Variants in STMP1 observed in about 807,000 individuals in gnomAD.
The protein encoded by STMP1 is short transmembrane mitochondrial protein 1.
STMP1 carries 7 observed loss-of-function variants against 7.0 expected under a neutral mutation model. The ratio of observed to expected loss-of-function variants is 1.01; its 90% CI spans 0.57 to 1.89. The LOEUF (loss-of-function observed/expected upper bound fraction) is 1.89, where lower values mean the gene tolerates loss of function less well. Among genes scored for constraint, STMP1 ranks in the 40% most tolerant of loss-of-function variants. The pLI, the probability that STMP1 is intolerant of heterozygous loss-of-function variation, is 0.00. For missense variants in STMP1, 45 were observed against 53.0 expected (o/e 0.85, Z 0.47); for synonymous variants, 19 against 18.4 (o/e 1.03, Z -0.08).
At chr7:135,666,291 T>C (rs999805948) in intron 1 of STMP1, among the ~76,000 whole-genome samples, 3 of 152,006 alleles carry the variant, frequency 2.0e-5, no homozygotes, top group African/African-American at 7.2e-5. Flanking sequence ...ACTTTGATCT[T>C]TTTCCATGAG....
intron 1 of STMP1, among the ~76,000 whole-genome samples, chr7:135,671,440 A>G (rs1795356623): frequency 6.6e-6 from 1 of 152,162 alleles, no homozygotes; most frequent in Non-Finnish European, 1.5e-5. Context: ...AAAAGCAACA[A>G]TGATTAAAGA....
rs754395600 is a variant in STMP1, at chr7:135,662,570, C to G, written c.-10C>G. ...TCCTTCGCGCCCTCCTCGCCCTCCC[C>G]ACCGACATCATGCTCCAGTTCCTGG... On this transcript the variant is annotated 5_prime_UTR_variant, in exon 1 of 3. Transcript: ENST00000507606. 1 of 1,548,596 alleles carries G rather than the reference C, an allele frequency of 6.5e-7. No homozygotes were observed. The highest frequency in any genetic ancestry group is 1.2e-5 in the South Asian group (1 of 83,918).
chr7:135,664,178 A>G (rs949945701), intron 1 of STMP1, among the ~76,000 whole-genome samples: 3 of 152,310 alleles, frequency 2.0e-5, no homozygotes, highest in Non-Finnish European at 2.9e-5. Flanking sequence ...CTAGATTAAA[A>G]GCGGTATCAC....
rs1484058332 is a variant in STMP1, at chr7:135,662,534, AGCTGCTGCAGT to A, written c.-45_-35del. ...GAGGTAGGCTCGGACCGGCCCGCGG[AGCTGCTGCAGT>A]CCTTCGCGCCCTCCTCGCCCTCCCC... On this transcript the variant is annotated 5_prime_UTR_variant, in exon 1 of 3. Transcript: ENST00000507606. 2.6e-6 allele frequency: 4 copies of A among 1,535,744 alleles called. No homozygotes were observed. In the African/African-American group the frequency reaches 5.6e-5, roughly 22 times the overall value.
intron 1 of STMP1, among the ~76,000 whole-genome samples, chr7:135,672,099 C>T (rs1478439739): frequency 6.6e-6 from 1 of 152,192 alleles, no homozygotes; most frequent in Non-Finnish European, 1.5e-5. Flanking sequence ...CCTGCCTCAG[C>T]CTCCCGAATA....
In STMP1 at chr7:135,674,465, C is replaced by T. The variant is rs556860799; in HGVS notation, c.*300C>T. The stretch of plus-strand genomic sequence containing the variant: ...TTTTAATGAGTAGTGTCTTCTTTAT[C>T]GTTTGCGATTTTTACTACCTTTTTT... On this transcript the variant is annotated 3_prime_UTR_variant, in exon 3 of 3. Coordinates refer to ENST00000507606, the MANE Select transcript of STMP1 (RefSeq NM_001130929.2). 1.5e-5 allele frequency: 4 copies of T among 272,732 alleles called. No individual in the cohort carries two copies. The highest frequency in any genetic ancestry group is 6.7e-5 in the East Asian group (1 of 14,938). The allele number at this position is 272,732 out of a possible 1,614,324, so 16.9% of individuals were successfully genotyped here.
rs1156947528 is a variant in STMP1, at chr7:135,672,813, G to A, written c.69+7G>A. The A allele has an allele frequency of 6.5e-7, 1 of 1,550,360 alleles. No homozygotes were observed. Among genetic ancestry groups the A allele is most frequent in the Non-Finnish European group, 8.7e-7 (1 of 1,145,846 alleles). ...TCTGGCTCAGAACTATGATGTAAGT[G>A]GCCATATCCATGACTTCCTTGATTC... On this transcript the variant is annotated splice_region_variant and intron_variant, in intron 2 of 2. Coordinates refer to ENST00000507606, the MANE Select transcript of STMP1 (RefSeq NM_001130929.2).
At chr7:135,664,000 T>G (rs1253006441) in intron 1 of STMP1, among the ~76,000 whole-genome samples, 1 of 152,238 alleles carries the variant, frequency 6.6e-6, no homozygotes, top group Non-Finnish European at 1.5e-5. Context: ...CCTTTTGTCC[T>G]TTTGAAAGAT....
intron 1 of STMP1, among the ~76,000 whole-genome samples, chr7:135,668,220 G>A (rs555154945): frequency 9.8e-4 from 149 of 151,804 alleles, no homozygotes; most frequent in African/African-American, 3.4e-3. Flanking sequence ...CACAGTAATC[G>A]GCTTTTCTCT....
At chr7:135,670,240 G>A (rs1353057566) in intron 1 of STMP1, among the ~76,000 whole-genome samples, 1 of 152,146 alleles carries the variant, frequency 6.6e-6, no homozygotes, top group African/African-American at 2.4e-5. Context: ...TGGGAAGAAA[G>A]CATTGCATTC....
Position 135,669,639 on chromosome 7 carries a change from A to G in STMP1, c.16-3114A>G, listed in dbSNP as rs181725935. On this transcript the variant is annotated intron_variant, in intron 1 of 2. Transcript: ENST00000507606. ...TTTTAGAAAAGTAATAAGCTGCATC[A>G]TGTACCTCGGTACTTAACACCCCCA... Among the ~76,000 whole-genome samples the G allele has an allele frequency of 2.7e-3, 412 of 152,342 alleles. 3 individuals carry two copies. The highest frequency in any genetic ancestry group is 9.0e-3 in the African/African-American group (374 of 41,576).
At chr7:135,662,801 C>A (rs1428638765) in intron 1 of STMP1, among the ~76,000 whole-genome samples, 1 of 152,234 alleles carries the variant, frequency 6.6e-6, no homozygotes, top group Admixed American at 6.5e-5. Context: ...TTTCTGCAGC[C>A]ATCCAAGTCC....
In STMP1 at chr7:135,675,735, G is replaced by A. The variant is rs977813826; in HGVS notation, c.*1570G>A. The stretch of plus-strand genomic sequence containing the variant: ...CAATAAACTGGAAGAATTGTTCAGA[G>A]CATCTTTTTTCAGACAGTGATGACA... On this transcript the variant is annotated 3_prime_UTR_variant, in exon 3 of 3. Coordinates refer to ENST00000507606, the MANE Select transcript of STMP1 (RefSeq NM_001130929.2). The A allele has an allele frequency of 6.6e-6, 1 of 152,158 alleles. No homozygotes were observed. The highest frequency in any genetic ancestry group is 1.5e-5 in the Non-Finnish European group (1 of 68,032). 9.4% of individuals were successfully genotyped at this position (152,158 alleles called of 1,614,324 possible).
At chr7:135,669,958 C>CT (rs1010513862) in intron 1 of STMP1, among the ~76,000 whole-genome samples, 2 of 152,028 alleles carry the variant, frequency 1.3e-5, no homozygotes, top group Non-Finnish European at 2.9e-5. Context: ...AGTGTACTCT[C>CT]TATTTATAGA....
intron 2 of STMP1, 193 bp downstream of exon 2, chr7:135,672,999 C>T (rs1003684888): frequency 3.5e-5 from 21 of 593,080 alleles, no homozygotes; most frequent in Non-Finnish European, 6.0e-5. Context: ...TCCTCCATAT[C>T]ACCACAAGAG....
rs1415674815 is a variant in STMP1 at position 135,674,141 on chromosome 7, CAAG to C, written c.126_128del (p.Lys43del). The C allele has an allele frequency of 1.9e-6, 3 of 1,550,748 alleles. No individual in the cohort carries two copies. The East Asian group carries it at 7.3e-5, about 38-fold the overall frequency. On this transcript the variant is annotated inframe_deletion, in exon 3 of 3. Coordinates refer to ENST00000507606, the MANE Select transcript of STMP1 (RefSeq NM_001130929.2). Reference sequence around the variant, plus strand: ...AAGAAATTAAAAAGGACTTGGATGCCAAGAAGAAACCCCCTAGTGCATGAGACT... The same window carrying C: ...AAGAAATTAAAAAGGACTTGGATGCCAAGAAACCCCCTAGTGCATGAGACT...
chr7:135,671,622 T>G (rs1795357961), intron 1 of STMP1, among the ~76,000 whole-genome samples: 1 of 152,190 alleles, frequency 6.6e-6, no homozygotes, highest in Admixed American at 6.5e-5. Context: ...AGTTTTTGTT[T>G]AGGAAAATAG....
chr7:135,672,462 T>A (rs192828803), intron 1 of STMP1, among the ~76,000 whole-genome samples: 29 of 152,302 alleles, frequency 1.9e-4, no homozygotes, highest in African/African-American at 7.0e-4. Context: ...GAATTTAGGG[T>A]AGCTTTATAC....
intron 2 of STMP1, among the ~76,000 whole-genome samples, chr7:135,673,520 T>C (rs3110824): frequency 0.35 from 53,148 of 152,038 alleles, 9,763 homozygotes; most frequent in East Asian, 0.55. Context: ...TGTTTATATG[T>C]ACAACCTTTA....
Sources: allele counts gnomAD v4.1 joint callset (sites outside exome capture counted in the v4.1 genomes callset), GRCh38; gene constraint gnomAD v4.1.1; transcripts MANE v1.5; gene names NCBI Gene and HGNC (gene_info 2026-07-23, HGNC 2026-07-21).